The following PEAK1 variants were observed in gnomAD, a reference collection of about 807,000 sequenced individuals.
PEAK1 encodes inactive tyrosine-protein kinase PEAK1.
Under a neutral mutation model 124.7 loss-of-function variants are expected in PEAK1, and 54 were observed. That is an observed-to-expected ratio of 0.43 (90% CI 0.35 to 0.54). The LOEUF (loss-of-function observed/expected upper bound fraction) is 0.54. PEAK1 is among the 20% of genes least tolerant of loss of function. The pLI is 0.01. For missense variants in PEAK1, 2,046 were observed against 2,134.5 expected, an observed-to-expected ratio of 0.96 and a Z score of 0.82; for synonymous variants, 719 against 760.0, an observed-to-expected ratio of 0.95 and a Z score of 0.89.
chr15:77,214,091 T>G lies in PEAK1; in HGVS notation c.-114-32051A>C, dbSNP rs1411868252. On this transcript the variant is annotated intron_variant, in intron 6 of 9. Transcript: ENST00000682557. ...ATGTTGTTTTTGAGATACATTAATCTTGTGTGTATCATTATTTCGCTCCTT... is the reference window on the plus strand; with the variant it reads ...ATGTTGTTTTTGAGATACATTAATCGTGTGTGTATCATTATTTCGCTCCTT... Among the ~76,000 whole-genome samples, 4 of 152,202 alleles carry G rather than the reference T, an allele frequency of 2.6e-5. No individual in the cohort carries two copies. In the East Asian group the frequency reaches 7.7e-4, roughly 29 times the overall value.
Position 77,179,900 on chromosome 15 carries a change from T to C in PEAK1, c.2027A>G (p.Asp676Gly), listed in dbSNP as rs752942101. Residue 676 changes from aspartate (D) to glycine (G), a missense_variant, in exon 7 of 10, where the codon GAT becomes GGT. Coordinates refer to ENST00000682557, the MANE Select transcript of PEAK1 (RefSeq NM_001385026.1). ...GTCAGTGGTTTTGCTAGTGGTGTTA[T>C]CAGGCACTTTGCTTTCTGTTTCTAT... Reference protein sequence around the residue: ...EEIETESKVPDNTTSKTTDCL... With the variant: ...EEIETESKVPGNTTSKTTDCL... 1.9e-6 allele frequency: 3 copies of C among 1,614,188 alleles called. No individual in the cohort carries two copies. Among genetic ancestry groups the C allele is most frequent in the Non-Finnish European group, 2.5e-6 (3 of 1,180,000 alleles).
intron 6 of PEAK1, among the ~76,000 whole-genome samples, chr15:77,211,400 G>A (rs1382268768): frequency 3.3e-5 from 5 of 152,122 alleles, no homozygotes; most frequent in Non-Finnish European, 5.9e-5. Flanking sequence ...ATGAAATTCT[G>A]GGTAGTACAG....
chr15:77,258,949 T>A (rs890281780), intron 5 of PEAK1, among the ~76,000 whole-genome samples: 2 of 152,320 alleles, frequency 1.3e-5, no homozygotes, highest in Admixed American at 1.3e-4. Flanking sequence ...TTGTTGAATT[T>A]TGTCAAAGGC....
chr15:77,420,360 C>G (rs1362548376), upstream of PEAK1: 1 of 152,072 alleles, frequency 6.6e-6, no homozygotes, highest in Non-Finnish European at 1.5e-5. Context: ...CTTCCAACCT[C>G]CAGAGGACGA....
chr15:77,198,770 T>C (rs2058225921), intron 6 of PEAK1, among the ~76,000 whole-genome samples: 1 of 152,220 alleles, frequency 6.6e-6, no homozygotes, highest in South Asian at 2.1e-4. Context: ...GAATTTAATG[T>C]CAGCAAAGGA....
intron 8 of PEAK1, among the ~76,000 whole-genome samples, chr15:77,148,485 C>T (rs1243660703): frequency 6.6e-6 from 1 of 152,298 alleles, no homozygotes. Context: ...TTTCATTTCA[C>T]ATCTTTGGTC....
Position 77,180,831 on chromosome 15 carries a change from T to G in PEAK1, c.1096A>C (p.Asn366His), listed in dbSNP as rs370869166. ...GGGTTACCAGGAGATAATCCCCCAT[T>G]ACAAATCTTCTGGGATAAACTACTG... ...TASSLSQKIC[N>H]GGLSPGNPGD... Residue 366 changes from asparagine (N) to histidine (H), a missense_variant, in exon 7 of 10, where the codon AAT becomes CAT. Coordinates refer to ENST00000682557, the MANE Select transcript of PEAK1 (RefSeq NM_001385026.1). 1.5e-5 allele frequency: 24 copies of G among 1,613,812 alleles called. No individual in the cohort carries two copies. The South Asian group carries it at 2.6e-4, about 18-fold the overall frequency.
chr15:77,275,328 C>T (rs1395194309), intron 5 of PEAK1, among the ~76,000 whole-genome samples: 1 of 152,006 alleles, frequency 6.6e-6, no homozygotes, highest in Non-Finnish European at 1.5e-5. Flanking sequence ...AGACAAAATT[C>T]CAAAAATAAA....
At chr15:77,340,993 C>T (rs922797019) in intron 2 of PEAK1, among the ~76,000 whole-genome samples, 3 of 151,360 alleles carry the variant, frequency 2.0e-5, no homozygotes, top group African/African-American at 7.3e-5. Flanking sequence ...GCTCTGTCAC[C>T]AGGCTGGACT....
intron 2 of PEAK1, among the ~76,000 whole-genome samples, chr15:77,360,063 A>C (rs2067781528): frequency 6.6e-6 from 1 of 152,232 alleles, no homozygotes; most frequent in Admixed American, 6.5e-5. Flanking sequence ...GTACTGACAT[A>C]AGGATAGACA....
intron 2 of PEAK1, among the ~76,000 whole-genome samples, chr15:77,329,660 A>G (rs1319502975): frequency 6.6e-6 from 1 of 152,212 alleles, no homozygotes; most frequent in Non-Finnish European, 1.5e-5. Context: ...CCTCTCATTC[A>G]TTAGCAAGGA....
At chr15:77,105,417 T>G (rs1228491040), downstream of PEAK1, 1 of 152,226 alleles carries the variant, frequency 6.6e-6, no homozygotes, top group Non-Finnish European at 1.5e-5. Context: ...GAAGTCAGTT[T>G]GTGTCCAAAA....
chr15:77,408,039 A>G (rs950406437), intron 1 of PEAK1, among the ~76,000 whole-genome samples: 1 of 151,452 alleles, frequency 6.6e-6, no homozygotes, highest in African/African-American at 2.4e-5. Context: ...ACATATATAC[A>G]TATATACACA....
intron 2 of PEAK1, among the ~76,000 whole-genome samples, chr15:77,287,547 C>T (rs994059835): frequency 3.3e-5 from 5 of 152,160 alleles, no homozygotes; most frequent in African/African-American, 1.2e-4. Flanking sequence ...CTTCTTCCTT[C>T]CCAGTTTCCT....
At chr15:77,302,569 T>C (rs2063842762) in intron 2 of PEAK1, among the ~76,000 whole-genome samples, 1 of 152,132 alleles carries the variant, frequency 6.6e-6, no homozygotes, top group African/African-American at 2.4e-5. Context: ...ATCAGTAGAG[T>C]ACAGGGCTTA....
At chr15:77,132,873 TG>T in intron 9 of PEAK1, 131 bp downstream of exon 9, 1 of 820,850 alleles carries the variant, frequency 1.2e-6, no homozygotes, top group Non-Finnish European at 1.9e-6. Context: ...ATCTAGTATC[TG>T]GTAAGAGGTA....
intron 6 of PEAK1, among the ~76,000 whole-genome samples, chr15:77,206,842 T>C (rs2058683464): frequency 6.6e-6 from 1 of 152,168 alleles, no homozygotes; most frequent in African/African-American, 2.4e-5. Flanking sequence ...TTAGATCGCA[T>C]CACACTACCT....
chr15:77,152,627 G>C (rs1438456217), intron 8 of PEAK1, among the ~76,000 whole-genome samples: 1 of 152,126 alleles, frequency 6.6e-6, no homozygotes, highest in Non-Finnish European at 1.5e-5. Context: ...CTGTGGGTTT[G>C]TCATAGATAG....
At chr15:77,308,023 T>A (rs2064203918) in intron 2 of PEAK1, among the ~76,000 whole-genome samples, 2 of 152,206 alleles carry the variant, frequency 1.3e-5, no homozygotes, top group African/African-American at 4.8e-5. Flanking sequence ...GTGTTAGGAA[T>A]ATACTAGCTG....
Sources: allele counts gnomAD v4.1 joint callset (sites outside exome capture counted in the v4.1 genomes callset), GRCh38; gene constraint gnomAD v4.1.1; transcripts MANE v1.5; gene names NCBI Gene and HGNC (gene_info 2026-07-23, HGNC 2026-07-21).